CFTR: variants seen among roughly 807,000 people sequenced by gnomAD.
The protein encoded by CFTR is cystic fibrosis transmembrane conductance regulator.
CFTR carries 181 observed loss-of-function variants against 171.6 expected under a neutral mutation model. That is an observed-to-expected ratio of 1.05 (90% confidence interval 0.93 to 1.19). The LOEUF (loss-of-function observed/expected upper bound fraction) is 1.19. CFTR is among the 50% of genes most tolerant of loss of function. The probability of loss-of-function intolerance (pLI) is 0.00; values close to 1 mark genes in which losing one functional copy is unlikely to be tolerated. For missense variants in CFTR, 1,968 were observed against 1,734.7 expected (o/e 1.13, Z -2.39); for synonymous variants, 583 against 608.0 (o/e 0.96, Z 0.60).
intron 1 of CFTR, among the ~76,000 whole-genome samples, chr7:117,493,009 C>G (rs1584769787): frequency 6.6e-6 from 1 of 151,896 alleles, no homozygotes; most frequent in East Asian, 1.9e-4. Context: ...TAAGAGCCAC[C>G]TAATAAATCA....
intron 23 of CFTR, among the ~76,000 whole-genome samples, chr7:117,643,665 TAAAG>T (rs942840082): frequency 2.6e-5 from 4 of 152,162 alleles, no homozygotes; most frequent in Admixed American, 2.6e-4. Context: ...GATCTAAAAA[TAAAG>T]AAACACTGGA....
chr7:117,511,322 C>G (rs977248853), intron 3 of CFTR, among the ~76,000 whole-genome samples: 1 of 151,654 alleles, frequency 6.6e-6, no homozygotes, highest in African/African-American at 2.4e-5. Flanking sequence ...AACCTATAGA[C>G]AAAAAAAGGG....
intron 18 of CFTR, 136 bp downstream of exon 18, chr7:117,606,889 C>G: frequency 1.4e-6 from 1 of 692,484 alleles, no homozygotes; most frequent in Non-Finnish European, 2.6e-6. Context: ...TGTAATTATC[C>G]AAAGCCTTCA....
At position 117,653,865 on chromosome 7, in the gene CFTR, C is replaced by A. The variant is rs544378978; in HGVS notation, c.3963+934C>A. On this transcript the variant is annotated intron_variant, in intron 24 of 26. Transcript: ENST00000003084. The stretch of plus-strand genomic sequence containing the variant: ...GATTCCTCTTTAGGCAGATTGCTCT[C>A]CAACTATGAAATTGTGAAATCAAAC... 2.0e-5 allele frequency among the ~76,000 whole-genome samples: 3 copies of A among 152,214 alleles called. No individual in the cohort carries two copies. The East Asian group carries it at 5.8e-4, about 29-fold the overall frequency.
In CFTR at chr7:117,536,569, C is replaced by T. The variant is rs1202176665; in HGVS notation, c.765C>T (p.Ile255=). The T allele has an allele frequency of 3.8e-6, 6 of 1,598,094 alleles. No individual in the cohort carries two copies. Among genetic ancestry groups the T allele is most frequent in the Non-Finnish European group, 5.1e-6 (6 of 1,170,956 alleles). ...MKYRDQRAGK[I]SERLVITSEM... is the part of the protein sequence containing the mutation. Reference sequence around the variant, plus strand: ...ACAGAGATCAGAGAGCTGGGAAGATCAGTGAAAGACTTGTGATTACCTCAG... The same window carrying T: ...ACAGAGATCAGAGAGCTGGGAAGATTAGTGAAAGACTTGTGATTACCTCAG... The change falls in exon 7 of 27, where the codon ATC becomes ATT. Residue 255 remains isoleucine, a synonymous_variant. Transcript: ENST00000003084.
At chr7:117,627,081 T>C (rs547996424) in intron 21 of CFTR, among the ~76,000 whole-genome samples, 1 of 152,266 alleles carries the variant, frequency 6.6e-6, no homozygotes, top group African/African-American at 2.4e-5. Flanking sequence ...CTTAACCACC[T>C]GGTTGACACA....
chr7:117,646,338 A>C (rs1287411183), intron 23 of CFTR, among the ~76,000 whole-genome samples: 7 of 152,180 alleles, frequency 4.6e-5, no homozygotes. Flanking sequence ...TGAACAAAAG[A>C]ATATAGTTTC....
intron 23 of CFTR, among the ~76,000 whole-genome samples, chr7:117,645,767 T>C (rs1792988566): frequency 1.3e-5 from 2 of 152,196 alleles, no homozygotes; most frequent in Admixed American, 1.3e-4. Context: ...TTCTAATATA[T>C]CTTATCTTAG....
rs4148711 is a variant in CFTR at position 117,590,591 on chromosome 7, T to A, written c.1766+152T>A. 0.34 allele frequency: 322,023 copies of A among 955,520 alleles called. 61,391 individuals carry two copies. Among genetic ancestry groups the A allele is most frequent in the African/African-American group, 0.65 (38,947 of 60,034 alleles). The allele number at this position is 955,520 out of a possible 1,614,324, so 59.2% of individuals were successfully genotyped here. ...GCATGGTATTAACTCAAATCTGATC[T>A]GCCCTACTGGGCCAGGATTCAAGAT... On this transcript the variant is annotated intron_variant, in intron 13 of 26. Coordinates refer to ENST00000003084, the MANE Select transcript of CFTR (RefSeq NM_000492.4).
At chr7:117,644,065 T>A (rs1236244195) in intron 23 of CFTR, among the ~76,000 whole-genome samples, 1 of 152,070 alleles carries the variant, frequency 6.6e-6, no homozygotes. Context: ...TTTGTCTTTT[T>A]TTTTTCATTT....
chr7:117,579,187 A>G (rs562723226), intron 11 of CFTR, among the ~76,000 whole-genome samples: 6 of 152,086 alleles, frequency 3.9e-5, no homozygotes, highest in South Asian at 4.1e-4. Flanking sequence ...AGAAAATTCA[A>G]TTGAATAAAC....
At chr7:117,657,970 G>T (rs191677606) in intron 24 of CFTR, among the ~76,000 whole-genome samples, 1 of 152,284 alleles carries the variant, frequency 6.6e-6, no homozygotes, top group East Asian at 1.9e-4. Context: ...TAGCTGGAAG[G>T]CTTAGAACAA....
At chr7:117,551,210 GGTGTAGTTCTATAATGGC>G (rs1271699019) in intron 10 of CFTR, among the ~76,000 whole-genome samples, 1 of 152,050 alleles carries the variant, frequency 6.6e-6, no homozygotes, top group African/African-American at 2.4e-5. Context: ...GATAAATTTT[GGTGTAGTTCTATAATGGC>G]GTGTTATTCA....
intron 13 of CFTR, among the ~76,000 whole-genome samples, chr7:117,591,132 G>T (rs1197483898): frequency 6.6e-6 from 1 of 152,068 alleles, no homozygotes; most frequent in Non-Finnish European, 1.5e-5. Context: ...AAATGGCTGG[G>T]TTATTCCTAG....
chr7:117,621,319 G>C lies in CFTR; in HGVS notation c.3469-6203G>C, dbSNP rs1443069151. Among the ~76,000 whole-genome samples, 5 of 152,214 alleles carry C rather than the reference G, an allele frequency of 3.3e-5. No homozygotes were observed. The East Asian group carries it at 9.6e-4, about 29-fold the overall frequency. ...CTCTGATTTTCTGTGAGTCATAGCA[G>C]AGGGCTCAGCAAACTTTTTCTATAA... On this transcript the variant is annotated intron_variant, in intron 21 of 26. Transcript: ENST00000003084.
At chr7:117,616,672 T>C (rs1316674153) in intron 21 of CFTR, among the ~76,000 whole-genome samples, 1 of 152,170 alleles carries the variant, frequency 6.6e-6, no homozygotes, top group Non-Finnish European at 1.5e-5. Flanking sequence ...TTGTGACCTG[T>C]GCTTTGATAT....
At chr7:117,609,620 G>A (rs917703423) in intron 18 of CFTR, among the ~76,000 whole-genome samples, 22 of 152,022 alleles carry the variant, frequency 1.4e-4, no homozygotes, top group African/African-American at 2.7e-4. Context: ...AATATGCTCC[G>A]AAAGGTTAGA....
In CFTR at chr7:117,535,401, A is replaced by T; in HGVS notation, c.733A>T (p.Met245Leu). ...TCAGGCTGGGCTAGGGAGAATGATG[A>T]TGAAGTACAGGTAGCAACCTATTTT... ...LFQAGLGRMM[M>L]KYRDQRAGKI... Residue 245 changes from methionine (M) to leucine (L), a missense_variant, in exon 6 of 27, where the codon ATG becomes TTG. Transcript: ENST00000003084. The T allele has an allele frequency of 6.2e-7, 1 of 1,614,102 alleles. No homozygotes were observed. The highest frequency in any genetic ancestry group is 1.1e-5 in the South Asian group (1 of 91,080).
chr7:117,535,524 AAT>A, intron 6 of CFTR, 113 bp downstream of exon 6: 6 of 774,630 alleles, frequency 7.7e-6, no homozygotes, highest in Admixed American at 2.8e-5. Context: ...AGTGTCATTA[AAT>A]TTTTTTTTTT....
Sources: gnomAD v4.1 joint callset for allele counts (sites outside exome capture counted in the v4.1 genomes callset) on GRCh38, gnomAD v4.1.1 for gene constraint, MANE v1.5 for transcripts, NCBI Gene and HGNC (gene_info 2026-07-23, HGNC 2026-07-21) for gene names.